PATJ: variants seen among roughly 807,000 people sequenced by gnomAD.
The protein encoded by PATJ is inaD-like protein.
Under a neutral mutation model 224.9 loss-of-function variants are expected in PATJ, and 190 were observed. That is an observed-to-expected ratio of 0.84 (90% confidence interval 0.75 to 0.95). The LOEUF (loss-of-function observed/expected upper bound fraction) is 0.95, where lower values mean the gene tolerates loss of function less well. Ranked by LOEUF, PATJ falls within the 40% of genes least tolerant of loss-of-function variation. The pLI is 0.00. For synonymous variants in PATJ, 769 were observed against 820.3 expected (o/e 0.94, Z 1.07); for missense variants, 2,121 against 2,270.3 (o/e 0.93, Z 1.34).
chr1:61,899,669 T>C lies in PATJ; in HGVS notation c.3203+15T>C. The C allele has an allele frequency of 6.3e-7, 1 of 1,576,638 alleles. No individual in the cohort carries two copies. The highest frequency in any genetic ancestry group is 8.6e-7 in the Non-Finnish European group (1 of 1,156,388). On this transcript the variant is annotated intron_variant, in intron 23 of 43. Coordinates refer to ENST00000642238, the MANE Select transcript of PATJ (RefSeq NM_001350145.3). ...CCACCGAGAATGTATGTGGATGACA[T>C]TATTGTGGCTTTCTCAATAGGAGCA...
At chr1:62,026,462 TTGTG>T (rs200824830) in intron 29 of PATJ, among the ~76,000 whole-genome samples, 5 of 123,482 alleles carry the variant, frequency 4.0e-5, no homozygotes, top group Non-Finnish European at 8.6e-5. Context: ...TATTCAACAT[TTGTG>T]TGTGTGTGTG....
At chr1:61,748,454 C>A (rs926859578) in intron 1 of PATJ, among the ~76,000 whole-genome samples, 1 of 150,440 alleles carries the variant, frequency 6.6e-6, no homozygotes. Flanking sequence ...CGGGGTTTCA[C>A]CATGTTGGCC....
At chr1:62,136,801 C>A (rs757228233) in intron 41 of PATJ, among the ~76,000 whole-genome samples, 25 of 151,798 alleles carry the variant, frequency 1.6e-4, no homozygotes, top group Non-Finnish European at 2.6e-4. Context: ...ATCTGCCAGG[C>A]TCAAGCAATC....
chr1:61,893,951 A>G (rs1391871665), intron 22 of PATJ, among the ~76,000 whole-genome samples: 1 of 151,284 alleles, frequency 6.6e-6, no homozygotes, highest in Non-Finnish European at 1.5e-5. Flanking sequence ...TTTGAATCTT[A>G]TTTCAATTAA....
chr1:61,962,810 A>T (rs980534740), intron 27 of PATJ, among the ~76,000 whole-genome samples: 1 of 152,130 alleles, frequency 6.6e-6, no homozygotes, highest in Non-Finnish European at 1.5e-5. Context: ...TTGCTTTCCT[A>T]TGTGTGACCT....
chr1:61,775,634 T>C (rs982555954), intron 7 of PATJ, among the ~76,000 whole-genome samples: 1 of 152,214 alleles, frequency 6.6e-6, no homozygotes, highest in Non-Finnish European at 1.5e-5. Flanking sequence ...TTTGAACATC[T>C]GTATTATTCT....
rs1319372792 is a variant in PATJ at position 62,086,618 on chromosome 1, T to C, written c.4377+1970T>C. On this transcript the variant is annotated intron_variant, in intron 33 of 43. Coordinates refer to ENST00000642238, the MANE Select transcript of PATJ (RefSeq NM_001350145.3). The surrounding 1 kb of genome is among the most constrained non-coding windows in gnomAD (Gnocchi z 4.0). ...TAATGTAACATTTTTGTGGTAGTAC[T>C]GTTGGGGGTGGGGAGATCCTAATCT... Among the ~76,000 whole-genome samples, 1 of 152,192 alleles carries C rather than the reference T, an allele frequency of 6.6e-6. No individual in the cohort carries two copies. The highest frequency in any genetic ancestry group is 1.5e-5 in the Non-Finnish European group (1 of 68,038).
At chr1:61,830,052 C>T (rs1213139673) in intron 16 of PATJ, among the ~76,000 whole-genome samples, 1 of 152,122 alleles carries the variant, frequency 6.6e-6, no homozygotes, top group African/African-American at 2.4e-5. Flanking sequence ...ATTGACCACC[C>T]GTGTCTTGCA....
chr1:62,118,715 C>T lies in PATJ; in HGVS notation c.4890+1497C>T, dbSNP rs572961586. ...CGCGATCTCAGCTCACTGTAATCTT[C>T]GCCTCCCGGGTTCAAGTGAGTCTCC... On this transcript the variant is annotated intron_variant, in intron 37 of 43. Transcript: ENST00000642238. 3.5e-3 allele frequency among the ~76,000 whole-genome samples: 540 copies of T among 152,162 alleles called. 2 individuals are homozygous for T. The highest frequency in any genetic ancestry group is 0.012 in the African/African-American group (517 of 41,514).
intron 22 of PATJ, among the ~76,000 whole-genome samples, chr1:61,891,562 C>T (rs955095134): frequency 6.6e-6 from 1 of 152,068 alleles, no homozygotes; most frequent in Non-Finnish European, 1.5e-5. Flanking sequence ...GCAGCGGTGG[C>T]CCACACTGCA....
At chr1:61,891,320 A>T (rs1669577227) in intron 22 of PATJ, among the ~76,000 whole-genome samples, 2 of 152,236 alleles carry the variant, frequency 1.3e-5, no homozygotes, top group African/African-American at 4.8e-5. Context: ...CCTGGCATTT[A>T]GTGCCTTCTA....
intron 42 of PATJ, 75 bp from the exon 43 acceptor site, chr1:62,153,283 C>A: frequency 1.8e-6 from 2 of 1,108,010 alleles, no homozygotes; most frequent in African/African-American, 1.6e-5. Flanking sequence ...TCTCTCAAAT[C>A]TGTATTCTTC....
chr1:61,994,047 A>G (rs542758577), intron 28 of PATJ, among the ~76,000 whole-genome samples: 3 of 152,264 alleles, frequency 2.0e-5, no homozygotes, highest in Admixed American at 1.3e-4. Flanking sequence ...AAGATTCTCT[A>G]GTTTAAAAAA....
At chr1:62,150,369 C>T (rs1299230206) in intron 42 of PATJ, among the ~76,000 whole-genome samples, 1 of 151,996 alleles carries the variant, frequency 6.6e-6, no homozygotes, top group African/African-American at 2.4e-5. Flanking sequence ...GAAAAACAGA[C>T]CCATAAATCC....
At chr1:62,060,601 C>T (rs1655262973) in intron 31 of PATJ, among the ~76,000 whole-genome samples, 1 of 152,002 alleles carries the variant, frequency 6.6e-6, no homozygotes, top group Non-Finnish European at 1.5e-5. Context: ...ACTAACATAA[C>T]TTGATGGGTG....
intron 17 of PATJ, among the ~76,000 whole-genome samples, chr1:61,852,141 A>G (rs1052194280): frequency 6.8e-6 from 1 of 146,898 alleles, no homozygotes; most frequent in Admixed American, 6.8e-5. Flanking sequence ...AAAAAAAAAA[A>G]GAGGTGTAGG....
intron 18 of PATJ, among the ~76,000 whole-genome samples, chr1:61,856,512 C>T (rs78014837): frequency 6.6e-6 from 1 of 152,124 alleles, no homozygotes; most frequent in Non-Finnish European, 1.5e-5. Flanking sequence ...CTACTACTAC[C>T]ACTCTTACTA....
At chr1:61,824,755 G>A (rs1000694631) in intron 15 of PATJ, among the ~76,000 whole-genome samples, 2 of 152,074 alleles carry the variant, frequency 1.3e-5, no homozygotes, top group East Asian at 1.9e-4. Context: ...GTGAAATTTG[G>A]TGGTATTAAG....
At chr1:62,002,123 T>G (rs1197261837) in intron 28 of PATJ, among the ~76,000 whole-genome samples, 1 of 152,144 alleles carries the variant, frequency 6.6e-6, no homozygotes, top group African/African-American at 2.4e-5. Context: ...TCCATCTTCT[T>G]GTTACCCATT....
Sources: gnomAD v4.1 joint callset for allele counts (sites outside exome capture counted in the v4.1 genomes callset) on GRCh38, gnomAD v4.1.1 for gene constraint, Gnocchi (gnomAD v3.1) non-coding constraint, MANE v1.5 for transcripts, NCBI Gene and HGNC (gene_info 2026-07-23, HGNC 2026-07-21) for gene names.